Variants in CCDC146 observed in about 807,000 individuals in gnomAD.
CCDC146 encodes coiled-coil domain containing 146, also known as coiled-coil domain-containing protein 146.
A neutral mutation model predicts 119.3 loss-of-function variants in CCDC146; 92 were observed. The observed-to-expected ratio is 0.77, with a 90% CI of 0.65 to 0.92. The LOEUF is 0.92. Among genes scored for constraint, CCDC146 ranks in the 40% least tolerant of loss-of-function variants. The pLI, the probability that CCDC146 is intolerant of heterozygous loss-of-function variation, is 0.00. For missense variants in CCDC146, 1,000 were observed against 1,103.0 expected, an observed-to-expected ratio of 0.91 and a Z score of 1.32; for synonymous variants, 372 against 371.8, an observed-to-expected ratio of 1.00 and a Z score of -0.01.
chr7:77,189,143 T>C (rs561463517), intron 2 of CCDC146, among the ~76,000 whole-genome samples: 16 of 152,196 alleles, frequency 1.1e-4, no homozygotes, highest in Non-Finnish European at 1.9e-4. Flanking sequence ...TTTGAACTTA[T>C]AATGTTCAAA....
Position 77,256,435 on chromosome 7 carries a change from G to A in CCDC146, c.610G>A (p.Ala204Thr). ...LEIKNLREDL[A>T]SKQKQLLKEQ... ...AATTAAAAATTTACGAGAAGATTTG[G>A]CATCTAAACAAAAGCAATTATTAAA... is the stretch of plus-strand genomic sequence containing the variant. Residue 204 changes from alanine (A) to threonine (T), a missense_variant, in exon 6 of 19, where the codon GCA (alanine) becomes ACA (threonine). Ala to Thr is a moderately conservative substitution (Grantham distance 58, BLOSUM62 0). Around this residue, in one of 2 missense-constraint regions of CCDC146, gnomAD observed 985 missense variants for 1,045.3 expected, o/e 0.94. Coordinates refer to ENST00000285871, the MANE Select transcript of CCDC146 (RefSeq NM_020879.3). 1 of 1,609,296 alleles carries A rather than the reference G, an allele frequency of 6.2e-7. No individual in the cohort carries two copies.
chr7:77,226,621 A>G (rs1312926998), intron 2 of CCDC146, among the ~76,000 whole-genome samples: 1 of 152,224 alleles, frequency 6.6e-6, no homozygotes, highest in Non-Finnish European at 1.5e-5. Context: ...CAGCAGGGCA[A>G]TTCAATAACA....
At chr7:77,130,019 A>G (rs1223633158) in intron 1 of CCDC146, among the ~76,000 whole-genome samples, 2 of 152,068 alleles carry the variant, frequency 1.3e-5, no homozygotes, top group African/African-American at 4.8e-5. Context: ...GATGCTGACT[A>G]CTTGGATATA....
chr7:77,251,412 C>T (rs892352177), intron 4 of CCDC146, among the ~76,000 whole-genome samples: 1 of 152,150 alleles, frequency 6.6e-6, no homozygotes, highest in African/African-American at 2.4e-5. Flanking sequence ...GCGTTCTTAG[C>T]CTATTAGTCA....
chr7:77,133,769 A>G (rs753129034), intron 1 of CCDC146, among the ~76,000 whole-genome samples: 140 of 149,642 alleles, frequency 9.4e-4, no homozygotes, highest in Non-Finnish European at 1.3e-3. Context: ...ACTTGGTGCT[A>G]CTCCATCCTA....
intron 4 of CCDC146, among the ~76,000 whole-genome samples, chr7:77,244,392 C>T (rs1234236964): frequency 2.6e-5 from 4 of 152,188 alleles, no homozygotes; most frequent in Non-Finnish European, 4.4e-5. Context: ...CACATTCACT[C>T]ACCACTCACT....
intron 18 of CCDC146, among the ~76,000 whole-genome samples, chr7:77,293,893 C>T (rs1046723630): frequency 7.2e-5 from 11 of 152,176 alleles, no homozygotes; most frequent in South Asian, 2.1e-4. Flanking sequence ...TGCTCCTGAA[C>T]TCAAGACAAA....
chr7:77,235,927 T>A (rs1792726489), intron 2 of CCDC146, among the ~76,000 whole-genome samples: 1 of 151,940 alleles, frequency 6.6e-6, no homozygotes, highest in African/African-American at 2.4e-5. Context: ...AAAAATTAGC[T>A]GGGCGTGGTG....
At chr7:77,292,018 G>A (rs1793953307) in intron 17 of CCDC146, among the ~76,000 whole-genome samples, 1 of 152,152 alleles carries the variant, frequency 6.6e-6, no homozygotes, top group African/African-American at 2.4e-5. Flanking sequence ...ACTCTTGGCT[G>A]GGCACAGTGG....
chr7:77,168,513 A>G (rs1369867094), intron 2 of CCDC146, among the ~76,000 whole-genome samples: 2 of 152,136 alleles, frequency 1.3e-5, no homozygotes, highest in Non-Finnish European at 2.9e-5. Flanking sequence ...TAGTCATAGT[A>G]AAAAATAAGT....
chr7:77,154,935 A>C (rs1311955506), intron 1 of CCDC146, among the ~76,000 whole-genome samples: 2 of 152,022 alleles, frequency 1.3e-5, no homozygotes, highest in Admixed American at 6.5e-5. Context: ...AAGCAAGAGG[A>C]GTGGCCTCCA....
At chr7:77,282,021 G>T (rs777788793) in intron 14 of CCDC146, among the ~76,000 whole-genome samples, 10 of 152,144 alleles carry the variant, frequency 6.6e-5, no homozygotes, top group Non-Finnish European at 1.0e-4. Flanking sequence ...TCAAGGAGGG[G>T]TCTTTCTCCT....
intron 1 of CCDC146, among the ~76,000 whole-genome samples, chr7:77,154,601 C>T (rs1325408549): frequency 6.6e-6 from 1 of 151,828 alleles, no homozygotes; most frequent in Non-Finnish European, 1.5e-5. Context: ...TGATGGTTTC[C>T]AGTTTCATCC....
chr7:77,156,127 C>T lies in CCDC146; in HGVS notation c.-11-11531C>T, dbSNP rs1428719017. Among the ~76,000 whole-genome samples the T allele has an allele frequency of 2.6e-5, 4 of 152,300 alleles. No individual in the cohort carries two copies. The East Asian group carries it at 5.8e-4, about 22-fold the overall frequency. ...AATAGAGACTTGGGTTCTCCACCAT[C>T]ATGTTGCAATTAACAGATTCCTCAT... On this transcript the variant is annotated intron_variant, in intron 1 of 18. Transcript: ENST00000285871.
chr7:77,219,487 T>A (rs748839064), intron 2 of CCDC146, among the ~76,000 whole-genome samples: 11 of 152,234 alleles, frequency 7.2e-5, no homozygotes, highest in Non-Finnish European at 1.5e-4. Context: ...TAATCTGTTA[T>A]GAAATTATGA....
At chr7:77,283,056 T>C (rs1276275742) in intron 15 of CCDC146, among the ~76,000 whole-genome samples, 1 of 152,188 alleles carries the variant, frequency 6.6e-6, no homozygotes, top group Non-Finnish European at 1.5e-5. Flanking sequence ...CTAGCTCAGC[T>C]TCCTCATAGC....
At chr7:77,175,226 A>G (rs1791483407) in intron 2 of CCDC146, among the ~76,000 whole-genome samples, 1 of 150,946 alleles carries the variant, frequency 6.6e-6, no homozygotes, top group Admixed American at 6.6e-5. Context: ...TATTTCGCCT[A>G]AGCGAAATAA....
Position 77,196,821 on chromosome 7 carries a change from C to T in CCDC146, c.156+28997C>T. On this transcript the variant is annotated intron_variant, in intron 2 of 18. Transcript: ENST00000285871. The surrounding 1 kb of genome is among the most constrained non-coding windows in gnomAD (Gnocchi z 4.2). ...CATGTTCTGGTGAAGTTGGTGCTCC[C>T]ATCGAGACGTGCCTGCAGCACTGTC... 6.2e-7 allele frequency: 1 copy of T among 1,614,100 alleles called. No individual in the cohort carries two copies. The highest frequency in any genetic ancestry group is 8.5e-7 in the Non-Finnish European group (1 of 1,180,012).
In CCDC146 at chr7:77,231,495, A is replaced by T. The variant is rs577255417; in HGVS notation, c.157-5452A>T. 7.9e-5 allele frequency among the ~76,000 whole-genome samples: 12 copies of T among 152,232 alleles called. No individual in the cohort carries two copies. In the South Asian group the frequency reaches 2.5e-3, roughly 32 times the overall value. Reference sequence around the variant, plus strand: ...GGATCCTCCTGGGGTCTTGGAGCACATCCCCCATGAATAAGTGGGCACTAC... The same window carrying T: ...GGATCCTCCTGGGGTCTTGGAGCACTTCCCCCATGAATAAGTGGGCACTAC... On this transcript the variant is annotated intron_variant, in intron 2 of 18. Coordinates refer to ENST00000285871, the MANE Select transcript of CCDC146 (RefSeq NM_020879.3).
Sources: gnomAD v4.1 joint callset for allele counts (sites outside exome capture counted in the v4.1 genomes callset) on GRCh38, gnomAD v4.1.1 for gene constraint, gnomAD v4.1.1 regional missense constraint, Gnocchi (gnomAD v3.1) non-coding constraint, MANE v1.5 for transcripts, NCBI Gene and HGNC (gene_info 2026-07-23, HGNC 2026-07-21) for gene names.